The following STAG1 variants were observed in gnomAD, a reference collection of about 807,000 sequenced individuals.
STAG1 encodes STAG1 cohesin complex component, also known as cohesin subunit SA-1.
In STAG1, 26 loss-of-function variants were observed where a neutral mutation model predicts 170.9. The ratio of observed to expected loss-of-function variants is 0.15; its 90% CI spans 0.11 to 0.21. The LOEUF (loss-of-function observed/expected upper bound fraction) is 0.21, where lower values mean the gene tolerates loss of function less well. Among genes scored for constraint, STAG1 ranks in the 10% least tolerant of loss-of-function variants. The pLI is 1.00. For synonymous variants in STAG1, 514 were observed against 497.7 expected (o/e 1.03, Z -0.44); for missense variants, 964 against 1,509.5 (o/e 0.64, Z 5.99).
chr3:136,432,868 T>A (rs948795243), intron 16 of STAG1, among the ~76,000 whole-genome samples: 2 of 152,236 alleles, frequency 1.3e-5, no homozygotes, highest in Non-Finnish European at 2.9e-5. Context: ...CTACAGATCT[T>A]ATCGACCAAG....
At chr3:136,355,480 A>G (rs1936617284) in intron 28 of STAG1, among the ~76,000 whole-genome samples, 1 of 152,076 alleles carries the variant, frequency 6.6e-6, no homozygotes, top group African/African-American at 2.4e-5. Flanking sequence ...GGAGACTTCA[A>G]TATCCCACTT....
intron 4 of STAG1, among the ~76,000 whole-genome samples, chr3:136,575,885 G>T (rs1452979000): frequency 6.6e-6 from 1 of 152,158 alleles, no homozygotes; most frequent in Admixed American, 6.6e-5. Flanking sequence ...TAGAGAAATG[G>T]AGTCTCTGTT....
At chr3:136,396,209 GTTTTTTTTT>G (rs1157402968) in intron 22 of STAG1, among the ~76,000 whole-genome samples, 3 of 87,952 alleles carry the variant, frequency 3.4e-5, no homozygotes, top group Admixed American at 1.6e-4. Flanking sequence ...GTGTAACACA[GTTTTTTTTT>G]TTTTTTTTTT....
At chr3:136,634,200 AAACT>A (rs1365409235) in intron 1 of STAG1, among the ~76,000 whole-genome samples, 1 of 151,892 alleles carries the variant, frequency 6.6e-6, no homozygotes, top group African/African-American at 2.4e-5. Context: ...CAAAATTTTA[AAACT>A]AACCAGGCGT....
At chr3:136,422,079 G>A (rs370091490) in intron 19 of STAG1, among the ~76,000 whole-genome samples, 10 of 151,314 alleles carry the variant, frequency 6.6e-5, no homozygotes, top group Non-Finnish European at 1.5e-4. Flanking sequence ...CCTGGGAGGC[G>A]GAGGTTGCGG....
chr3:136,726,454 T>G (rs1052424587), intron 1 of STAG1, among the ~76,000 whole-genome samples: 1 of 152,188 alleles, frequency 6.6e-6, no homozygotes, highest in Non-Finnish European at 1.5e-5. Context: ...GAGACAGTCT[T>G]GTTCTGTCAC....
At position 136,530,098 on chromosome 3, in the gene STAG1, G is replaced by A. The variant is rs112102592; in HGVS notation, c.472-8681C>T. ...GAGCAAGAACAGCTATACTTATGAT[G>A]AGTGAAACAAACTGTACATCAAAAA... On this transcript the variant is annotated intron_variant, in intron 6 of 33. Transcript: ENST00000383202. 3.2e-3 allele frequency among the ~76,000 whole-genome samples: 491 copies of A among 152,236 alleles called. 2 individuals are homozygous for A. The highest frequency in any genetic ancestry group is 5.7e-3 in the Non-Finnish European group (386 of 67,994).
intron 1 of STAG1, among the ~76,000 whole-genome samples, chr3:136,632,859 C>A (rs979448971): frequency 6.6e-6 from 1 of 152,042 alleles, no homozygotes; most frequent in Non-Finnish European, 1.5e-5. Context: ...AATACTTCCG[C>A]AAAGAACCTA....
intron 16 of STAG1, among the ~76,000 whole-genome samples, chr3:136,428,236 CA>C (rs963624245): frequency 5.3e-5 from 8 of 152,298 alleles, no homozygotes; most frequent in African/African-American, 1.9e-4. Flanking sequence ...TGCTAACTCT[CA>C]AAAGCCTTGA....
chr3:136,578,326 A>G (rs1207972478), intron 4 of STAG1, among the ~76,000 whole-genome samples: 1 of 152,200 alleles, frequency 6.6e-6, no homozygotes, highest in Non-Finnish European at 1.5e-5. Context: ...TGGCCTGCAG[A>G]GATCTTGGGC....
At chr3:136,653,641 G>T (rs1941286502) in intron 1 of STAG1, among the ~76,000 whole-genome samples, 1 of 152,142 alleles carries the variant, frequency 6.6e-6, no homozygotes. Context: ...TTGAGTGGTT[G>T]GCCCACAGTA....
chr3:136,370,729 A>G (rs1937286353), intron 23 of STAG1, among the ~76,000 whole-genome samples: 3 of 152,164 alleles, frequency 2.0e-5, no homozygotes, highest in Admixed American at 2.0e-4. Context: ...CATGGTGTAT[A>G]TGTGCCACAT....
intron 1 of STAG1, among the ~76,000 whole-genome samples, chr3:136,721,849 G>A (rs1350525323): frequency 4.0e-5 from 6 of 151,740 alleles, no homozygotes; most frequent in South Asian, 4.2e-4. Context: ...GCATGAACCC[G>A]GGAGGCAGAG....
At chr3:136,388,513 C>T (rs559491953) in intron 22 of STAG1, among the ~76,000 whole-genome samples, 1 of 152,090 alleles carries the variant, frequency 6.6e-6, no homozygotes, top group Non-Finnish European at 1.5e-5. Context: ...GGATTACAGG[C>T]ACACACCACC....
At chr3:136,464,778 T>C (rs933194571) in intron 13 of STAG1, 103 bp downstream of exon 13, 3 of 905,860 alleles carry the variant, frequency 3.3e-6, no homozygotes, top group Admixed American at 5.3e-5. Flanking sequence ...GATGGACATT[T>C]TCAGCACTGT....
chr3:136,714,413 C>A (rs545147743), intron 1 of STAG1, among the ~76,000 whole-genome samples: 1 of 151,910 alleles, frequency 6.6e-6, no homozygotes, highest in Non-Finnish European at 1.5e-5. Context: ...GGCAACGTAC[C>A]GAGAACTCAT....
chr3:136,619,253 AT>A (rs1378094095), intron 3 of STAG1, among the ~76,000 whole-genome samples: 1 of 150,606 alleles, frequency 6.6e-6, no homozygotes, highest in Non-Finnish European at 1.5e-5. Flanking sequence ...TTAAAACACC[AT>A]TCACTCATTA....
chr3:136,712,422 A>T (rs1471919964), intron 1 of STAG1, among the ~76,000 whole-genome samples: 1 of 152,220 alleles, frequency 6.6e-6, no homozygotes, highest in Non-Finnish European at 1.5e-5. Flanking sequence ...CAAATGCCTT[A>T]TATTAAGAAT....
intron 1 of STAG1, among the ~76,000 whole-genome samples, chr3:136,703,619 T>C (rs976440303): frequency 3.9e-5 from 6 of 152,172 alleles, no homozygotes; most frequent in Non-Finnish European, 8.8e-5. Context: ...TAACAGAACA[T>C]AGGCTTCAGT....
Sources: gnomAD v4.1 joint callset for allele counts (sites outside exome capture counted in the v4.1 genomes callset) on GRCh38, gnomAD v4.1.1 for gene constraint, MANE v1.5 for transcripts, NCBI Gene and HGNC (gene_info 2026-07-23, HGNC 2026-07-21) for gene names.